The following IQCJ variants were observed in gnomAD, a reference collection of about 807,000 sequenced individuals.
IQCJ encodes IQ motif containing J.
A neutral mutation model predicts 11.0 loss-of-function variants in IQCJ; 9 were observed. The observed-to-expected ratio is 0.82, with a 90% CI of 0.49 to 1.43. The LOEUF (loss-of-function observed/expected upper bound fraction) is 1.43, where lower values mean the gene tolerates loss of function less well. Ranked by LOEUF, IQCJ falls within the 40% of genes most tolerant of loss-of-function variation. The pLI is 0.00. For synonymous variants in IQCJ, 55 were observed against 51.3 expected, an observed-to-expected ratio of 1.07 and a Z score of -0.31; for missense variants, 146 against 133.2, an observed-to-expected ratio of 1.10 and a Z score of -0.47.
intron 1 of IQCJ, among the ~76,000 whole-genome samples, chr3:159,229,120 C>A (rs1335755850): frequency 2.0e-5 from 3 of 152,160 alleles, no homozygotes; most frequent in African/African-American, 7.2e-5. Context: ...CTGTCTCTGA[C>A]AATAAATGCC....
chr3:159,153,929 T>C (rs1721368711), intron 1 of IQCJ, among the ~76,000 whole-genome samples: 1 of 152,226 alleles, frequency 6.6e-6, no homozygotes, highest in Non-Finnish European at 1.5e-5. Flanking sequence ...ATGGTATAAC[T>C]CTTGGAAGCT....
intron 1 of IQCJ, among the ~76,000 whole-genome samples, chr3:159,158,254 G>T (rs1288481740): frequency 1.3e-5 from 2 of 152,170 alleles, no homozygotes; most frequent in African/African-American, 4.8e-5. Flanking sequence ...AAGCTGCAGG[G>T]CTGATGTATC....
rs571783187 is a variant in IQCJ, at chr3:159,086,098, G to A, written c.9+16657G>A. ...CATCTTGAATTGATTTTTGTATAAG[G>A]TGTAAAGAAGGGATCCAGTTTCAGC... On this transcript the variant is annotated intron_variant, in intron 1 of 3. Transcript: ENST00000397832. 5.3e-5 allele frequency among the ~76,000 whole-genome samples: 8 copies of A among 152,264 alleles called. No homozygotes were observed. The South Asian group carries it at 1.7e-3, about 32-fold the overall frequency.
At chr3:159,073,562 T>C (rs1009300900) in intron 1 of IQCJ, among the ~76,000 whole-genome samples, 1 of 152,240 alleles carries the variant, frequency 6.6e-6, no homozygotes, top group African/African-American at 2.4e-5. Context: ...ACACTTAGAA[T>C]TGATCTCATC....
intron 1 of IQCJ, among the ~76,000 whole-genome samples, chr3:159,151,432 T>G (rs966369611): frequency 1.3e-5 from 2 of 152,208 alleles, no homozygotes; most frequent in Admixed American, 6.5e-5. Context: ...CCAACTGAGT[T>G]CTTCAGCATG....
At position 159,158,685 on chromosome 3, in the gene IQCJ, C is replaced by A. The variant is rs192608016; in HGVS notation, c.10-87158C>A. On this transcript the variant is annotated intron_variant, in intron 1 of 3. Transcript: ENST00000397832. ...TGAAATGAAACATTTTCTTCAATAA[C>A]AACTGTAAGTAAAACCAGAGTAGAA... Among the ~76,000 whole-genome samples, 894 of 152,220 alleles carry A rather than the reference C, an allele frequency of 5.9e-3. 11 individuals are homozygous for A. Among genetic ancestry groups the A allele is most frequent in the African/African-American group, 0.021 (856 of 41,536 alleles).
In IQCJ at chr3:159,145,464, C is replaced by T. The variant is rs889700289; in HGVS notation, c.9+76023C>T. ...AGACAGCTAACTGTATCATAAGTAG[C>T]CTTAAAATTTCCAGAGATTTTTTTT... On this transcript the variant is annotated intron_variant, in intron 1 of 3. Transcript: ENST00000397832. 7.9e-5 allele frequency among the ~76,000 whole-genome samples: 12 copies of T among 152,090 alleles called. No homozygotes were observed. The South Asian group carries it at 1.7e-3, about 21-fold the overall frequency.
intron 1 of IQCJ, among the ~76,000 whole-genome samples, chr3:159,213,319 G>T (rs1283718239): frequency 6.6e-6 from 1 of 152,138 alleles, no homozygotes; most frequent in African/African-American, 2.4e-5. Context: ...TTGTCTCCAC[G>T]GGTGCTGACA....
At chr3:159,141,888 T>G (rs1238512063) in intron 1 of IQCJ, among the ~76,000 whole-genome samples, 2 of 152,216 alleles carry the variant, frequency 1.3e-5, no homozygotes, top group Admixed American at 6.5e-5. Context: ...GATAACATAT[T>G]AGAATATCAT....
chr3:159,209,728 G>T (rs543877761), intron 1 of IQCJ, among the ~76,000 whole-genome samples: 6 of 152,204 alleles, frequency 3.9e-5, no homozygotes, highest in African/African-American at 1.4e-4. Flanking sequence ...TCCCACAAGG[G>T]GTTTGAGCTG....
At chr3:159,122,367 G>A (rs1242557417) in intron 1 of IQCJ, among the ~76,000 whole-genome samples, 4 of 152,136 alleles carry the variant, frequency 2.6e-5, no homozygotes, top group Non-Finnish European at 5.9e-5. Flanking sequence ...TTGCCACTTG[G>A]AGGAACTGTT....
At chr3:159,217,730 A>G (rs1030880160) in intron 1 of IQCJ, among the ~76,000 whole-genome samples, 1 of 151,890 alleles carries the variant, frequency 6.6e-6, no homozygotes, top group Non-Finnish European at 1.5e-5. Context: ...CCTCCTCCCC[A>G]GTTTCTCCAT....
At chr3:159,255,445 C>G (rs1041913800) in intron 3 of IQCJ, among the ~76,000 whole-genome samples, 5 of 152,176 alleles carry the variant, frequency 3.3e-5, no homozygotes, top group Non-Finnish European at 7.3e-5. Flanking sequence ...CTGTGGGAAT[C>G]CCAGGATGGG....
intron 1 of IQCJ, among the ~76,000 whole-genome samples, chr3:159,171,351 C>G (rs566371919): frequency 2.8e-4 from 42 of 152,280 alleles, no homozygotes; most frequent in African/African-American, 1.0e-3. Flanking sequence ...GGTATATAGG[C>G]ATTTGTGCGT....
At chr3:159,171,303 G>A (rs1722475123) in intron 1 of IQCJ, among the ~76,000 whole-genome samples, 1 of 152,176 alleles carries the variant, frequency 6.6e-6, no homozygotes, top group East Asian at 1.9e-4. Flanking sequence ...TAGGAGTATA[G>A]AATGCAGGTA....
At chr3:159,148,664 C>T (rs1048918539) in intron 1 of IQCJ, among the ~76,000 whole-genome samples, 3 of 152,184 alleles carry the variant, frequency 2.0e-5, no homozygotes, top group African/African-American at 4.8e-5. Context: ...ATGGCAGTGA[C>T]ATTTTTCATC....
At chr3:159,244,488 A>G (rs1209190985) in intron 1 of IQCJ, among the ~76,000 whole-genome samples, 1 of 152,210 alleles carries the variant, frequency 6.6e-6, no homozygotes, top group Non-Finnish European at 1.5e-5. Flanking sequence ...TTTCATCTGC[A>G]AAATCCTCTA....
intron 1 of IQCJ, among the ~76,000 whole-genome samples, chr3:159,133,590 G>A (rs1357918397): frequency 1.3e-5 from 2 of 152,154 alleles, no homozygotes; most frequent in Non-Finnish European, 2.9e-5. Context: ...AGGCCTCCAA[G>A]AACAAAATAC....
At chr3:159,235,281 G>A (rs1357538787) in intron 1 of IQCJ, among the ~76,000 whole-genome samples, 1 of 152,122 alleles carries the variant, frequency 6.6e-6, no homozygotes, top group Non-Finnish European at 1.5e-5. Flanking sequence ...TGAGCAAAGA[G>A]ACCACTTAAA....
Sources: allele counts gnomAD v4.1 joint callset (sites outside exome capture counted in the v4.1 genomes callset), GRCh38; gene constraint gnomAD v4.1.1; transcripts MANE v1.5; gene names NCBI Gene and HGNC (gene_info 2026-07-23, HGNC 2026-07-21).